The following RBFOX1 variants were observed in gnomAD, a reference collection of about 807,000 sequenced individuals.
The protein encoded by RBFOX1 is RNA binding protein fox-1 homolog 1.
In RBFOX1, 8 loss-of-function variants were observed where a neutral mutation model predicts 57.7. The ratio of observed to expected loss-of-function variants is 0.14; its 90% CI spans 0.08 to 0.25. The LOEUF (loss-of-function observed/expected upper bound fraction) is 0.25, where lower values mean the gene tolerates loss of function less well. Ranked by LOEUF, RBFOX1 falls within the 10% of genes least tolerant of loss-of-function variation. The probability of loss-of-function intolerance (pLI) is 1.00; values close to 1 mark genes in which losing one functional copy is unlikely to be tolerated. For synonymous variants in RBFOX1, 326 were observed against 222.4 expected (o/e 1.47, Z -4.15); for missense variants, 611 against 548.5 (o/e 1.11, Z -1.14).
chr16:6,860,023 A>G (rs1481951023), intron 3 of RBFOX1, among the ~76,000 whole-genome samples: 5 of 152,210 alleles, frequency 3.3e-5, no homozygotes, highest in Non-Finnish European at 7.3e-5. Flanking sequence ...AGTTAACACC[A>G]CAAGGGTACC....
chr16:6,276,390 A>G (rs1340443496), intron 1 of RBFOX1, among the ~76,000 whole-genome samples: 1 of 152,120 alleles, frequency 6.6e-6, no homozygotes, highest in Non-Finnish European at 1.5e-5. Context: ...GCTGGAGTGC[A>G]GTGGCACGAT....
chr16:7,296,342 TTATG>T (rs2095889545), intron 4 of RBFOX1, among the ~76,000 whole-genome samples: 1 of 151,802 alleles, frequency 6.6e-6, no homozygotes, highest in Non-Finnish European at 1.5e-5. Context: ...GTATGTGAGT[TTATG>T]TGTGTATGTA....
At chr16:5,867,487 T>C (rs898209127) in intron 4 of RBFOX1, among the ~76,000 whole-genome samples, 6 of 152,150 alleles carry the variant, frequency 3.9e-5, no homozygotes, top group Non-Finnish European at 8.8e-5. Context: ...GTTTCTGTGC[T>C]GCTGGGTTTT....
intron 3 of RBFOX1, among the ~76,000 whole-genome samples, chr16:6,897,197 C>T (rs999705737): frequency 3.9e-5 from 6 of 152,154 alleles, no homozygotes; most frequent in Non-Finnish European, 8.8e-5. Context: ...AGGTTGTTTT[C>T]CAGAACCCTA....
chr16:6,501,414 G>C (rs1353428555), intron 2 of RBFOX1, among the ~76,000 whole-genome samples: 6 of 150,618 alleles, frequency 4.0e-5, no homozygotes, highest in African/African-American at 9.8e-5. Context: ...CCTTGCGATA[G>C]TTTGCTAAGA....
intron 2 of RBFOX1, among the ~76,000 whole-genome samples, chr16:6,369,723 C>A (rs1045860892): frequency 6.6e-6 from 1 of 152,152 alleles, no homozygotes; most frequent in Non-Finnish European, 1.5e-5. Context: ...TACGTAAATA[C>A]ACATATATTT....
At chr16:7,080,569 A>T (rs1268375572) in intron 4 of RBFOX1, among the ~76,000 whole-genome samples, 1 of 152,114 alleles carries the variant, frequency 6.6e-6, no homozygotes, top group East Asian at 1.9e-4. Context: ...ACCTGTTCAG[A>T]GATTCCTCAG....
intron 13 of RBFOX1, among the ~76,000 whole-genome samples, chr16:7,672,464 A>G (rs1178892799): frequency 1.3e-5 from 2 of 152,202 alleles, no homozygotes; most frequent in Non-Finnish European, 2.9e-5. Flanking sequence ...AATGTGAGAA[A>G]GAGGTACTTT....
intron 11 of RBFOX1, among the ~76,000 whole-genome samples, chr16:7,644,016 T>C (rs2063297144): frequency 6.6e-6 from 1 of 152,048 alleles, no homozygotes; most frequent in Non-Finnish European, 1.5e-5. Flanking sequence ...TATAGGGAGA[T>C]GATGTAGCAG....
At chr16:7,196,324 G>A (rs1192358676) in intron 4 of RBFOX1, among the ~76,000 whole-genome samples, 3 of 152,150 alleles carry the variant, frequency 2.0e-5, no homozygotes, top group African/African-American at 7.2e-5. Context: ...AGATGTCTCA[G>A]GGAATTTCTC....
intron 3 of RBFOX1, among the ~76,000 whole-genome samples, chr16:5,707,396 G>T (rs2051290878): frequency 1.3e-5 from 2 of 152,322 alleles, no homozygotes; most frequent in Non-Finnish European, 2.9e-5. Flanking sequence ...CAGAGCTGAA[G>T]TGTCTTGTGC....
At chr16:7,052,877 A>T (rs1179507379) in intron 4 of RBFOX1, among the ~76,000 whole-genome samples, 2 of 152,146 alleles carry the variant, frequency 1.3e-5, no homozygotes, top group Non-Finnish European at 2.9e-5. Flanking sequence ...TGTATTTTTC[A>T]TGTCACTAAT....
chr16:7,420,178 GC>G (rs1243758038), intron 4 of RBFOX1, among the ~76,000 whole-genome samples: 2 of 152,030 alleles, frequency 1.3e-5, no homozygotes, highest in African/African-American at 4.8e-5. Context: ...TAAATATTCT[GC>G]CGTGGTAATT....
chr16:6,233,661 C>A (rs544931162), intron 1 of RBFOX1, among the ~76,000 whole-genome samples: 2 of 152,192 alleles, frequency 1.3e-5, no homozygotes, highest in African/African-American at 4.8e-5. Flanking sequence ...CAGCCTGGAG[C>A]ACAGTAGAGC....
At chr16:6,810,234 T>A (rs527678046) in intron 3 of RBFOX1, among the ~76,000 whole-genome samples, 14 of 152,150 alleles carry the variant, frequency 9.2e-5, no homozygotes, top group South Asian at 4.1e-4. Context: ...CATCCCTCTT[T>A]TTCTTGGAGA....
intron 4 of RBFOX1, among the ~76,000 whole-genome samples, chr16:7,504,604 C>G (rs1008766379): frequency 6.8e-6 from 1 of 147,934 alleles, no homozygotes; most frequent in African/African-American, 2.6e-5. Context: ...GATATGAGGT[C>G]TGGATTTGCA....
chr16:6,761,575 T>C (rs1307938286), intron 3 of RBFOX1, among the ~76,000 whole-genome samples: 1 of 133,516 alleles, frequency 7.5e-6, no homozygotes, highest in Non-Finnish European at 1.6e-5. Context: ...TGGTGCGATC[T>C]CGGTTCACTG....
rs377442181 is a variant in RBFOX1 at position 6,957,311 on chromosome 16, T to G, written c.-15-94746T>G. 3.9e-5 allele frequency among the ~76,000 whole-genome samples: 6 copies of G among 151,964 alleles called. No homozygotes were observed. The East Asian group carries it at 7.8e-4, about 20-fold the overall frequency. The stretch of plus-strand genomic sequence containing the variant: ...TGCGCCAGGCTAATTTTTTGTATTT[T>G]TAGTACAGACGGGGTTTCACCATGT... On this transcript the variant is annotated intron_variant, in intron 3 of 15. Coordinates refer to ENST00000550418, the MANE Select transcript of RBFOX1 (RefSeq NM_018723.4).
chr16:7,220,935 A>T (rs2092682006), intron 4 of RBFOX1, among the ~76,000 whole-genome samples: 1 of 152,076 alleles, frequency 6.6e-6, no homozygotes, highest in Non-Finnish European at 1.5e-5. Flanking sequence ...TTCTAAATGC[A>T]TTTGCATTTC....
Sources: allele counts gnomAD v4.1 joint callset (sites outside exome capture counted in the v4.1 genomes callset), GRCh38; gene constraint gnomAD v4.1.1; transcripts MANE v1.5; gene names NCBI Gene and HGNC (gene_info 2026-07-23, HGNC 2026-07-21).